Variants in SLC25A40 observed in about 807,000 individuals in gnomAD.
SLC25A40 encodes mitochondrial glutathione transporter SLC25A40.
In SLC25A40, 41 loss-of-function variants were observed where a neutral mutation model predicts 46.5. That is an observed-to-expected ratio of 0.88 (90% confidence interval 0.69 to 1.14). The LOEUF (loss-of-function observed/expected upper bound fraction) is 1.14, where lower values mean the gene tolerates loss of function less well. Among genes scored for constraint, SLC25A40 ranks in the 50% most tolerant of loss-of-function variants. SLC25A40 has a pLI of 0.00. For missense variants in SLC25A40, 386 were observed against 393.6 expected, an observed-to-expected ratio of 0.98 and a Z score of 0.16; for synonymous variants, 126 against 127.5, an observed-to-expected ratio of 0.99 and a Z score of 0.08.
intron 1 of SLC25A40, among the ~76,000 whole-genome samples, chr7:87,865,091 C>T: frequency 1.3e-5 from 2 of 151,780 alleles, no homozygotes; most frequent in East Asian, 3.9e-4. Context: ...ATCCTATTGC[C>T]TTAGCCTCTT....
intron 6 of SLC25A40, among the ~76,000 whole-genome samples, chr7:87,849,437 TG>T (rs1240723643): frequency 6.6e-6 from 1 of 152,222 alleles, no homozygotes; most frequent in African/African-American, 2.4e-5. Flanking sequence ...TCATCACAAC[TG>T]GCCTAAAAGA....
chr7:87,854,809 CAAAAAAAA>C (rs1193322764), intron 4 of SLC25A40, among the ~76,000 whole-genome samples: 2 of 53,580 alleles, frequency 3.7e-5, no homozygotes, highest in Non-Finnish European at 7.4e-5. Flanking sequence ...AAGACTGTCT[CAAAAAAAA>C]AAAAAAAAAA....
intron 5 of SLC25A40, among the ~76,000 whole-genome samples, chr7:87,853,007 A>C (rs899304543): frequency 1.3e-5 from 2 of 152,244 alleles, no homozygotes; most frequent in African/African-American, 2.4e-5. Context: ...TAAAAATTAA[A>C]AAGTTTTACC....
intron 10 of SLC25A40, among the ~76,000 whole-genome samples, chr7:87,839,313 T>C (rs1838298491): frequency 1.3e-5 from 2 of 151,372 alleles, no homozygotes; most frequent in Non-Finnish European, 3.0e-5. Flanking sequence ...AATATAGAAA[T>C]ATTGAAATAC....
chr7:87,855,039 G>T (rs143818956), intron 4 of SLC25A40, among the ~76,000 whole-genome samples: 99 of 151,800 alleles, frequency 6.5e-4, no homozygotes, highest in African/African-American at 2.3e-3. Context: ...GCACGTGCCT[G>T]TAGTCCCAGC....
At chr7:87,839,941 C>T (rs1838306647) in intron 10 of SLC25A40, among the ~76,000 whole-genome samples, 1 of 151,670 alleles carries the variant, frequency 6.6e-6, no homozygotes, top group African/African-American at 2.4e-5. Flanking sequence ...GAAGTCACTT[C>T]TAAATGGAGC....
intron 1 of SLC25A40, among the ~76,000 whole-genome samples, chr7:87,873,429 CT>C (rs573186397): frequency 0.025 from 3,165 of 125,640 alleles, 71 homozygotes; most frequent in African/African-American, 0.086. Flanking sequence ...GAAAGGTTAA[CT>C]TTTTTTTTTT....
intron 1 of SLC25A40, among the ~76,000 whole-genome samples, chr7:87,872,162 A>T (rs1474421619): frequency 1.3e-5 from 2 of 152,240 alleles, no homozygotes; most frequent in African/African-American, 2.4e-5. Flanking sequence ...ATCTTCTTAC[A>T]TAATCTTCTT....
chr7:87,844,126 A>C (rs1259581434), intron 8 of SLC25A40: 1 of 290,064 alleles, frequency 3.4e-6, no homozygotes, highest in Admixed American at 6.5e-5. Context: ...CAACGGGACA[A>C]AGGAAAAAAG....
At chr7:87,847,507 GA>G (rs1838439589) in intron 7 of SLC25A40, among the ~76,000 whole-genome samples, 1 of 152,022 alleles carries the variant, frequency 6.6e-6, no homozygotes, top group Non-Finnish European at 1.5e-5. Context: ...ATAAAACTCT[GA>G]ATCCCAAAGT....
rs188645646 is a variant in SLC25A40 at position 87,860,234 on chromosome 7, A to C, written c.-25+338T>G. On this transcript the variant is annotated intron_variant, in intron 2 of 11. Transcript: ENST00000341119. ...CAACAACAAAAAAAACGTCATACAAATTGCCATGATGCTTTCCAGAAAGCT... is the reference window on the plus strand; with the variant it reads ...CAACAACAAAAAAAACGTCATACAACTTGCCATGATGCTTTCCAGAAAGCT... 153 of 152,234 alleles carry C rather than the reference A, an allele frequency of 1.0e-3. 2 individuals carry two copies. Among genetic ancestry groups the C allele is most frequent in the African/African-American group, 3.6e-3 (149 of 41,542 alleles). 9.4% of individuals were successfully genotyped at this position (152,234 alleles called of 1,614,324 possible).
At chr7:87,873,568 G>T (rs185800218) in intron 1 of SLC25A40, among the ~76,000 whole-genome samples, 5 of 151,934 alleles carry the variant, frequency 3.3e-5, no homozygotes, top group African/African-American at 1.2e-4. Context: ...GAGTAGCTGG[G>T]GTTACAGGCG....
intron 1 of SLC25A40, among the ~76,000 whole-genome samples, chr7:87,865,795 T>C (rs754527300): frequency 3.9e-5 from 6 of 151,974 alleles, no homozygotes; most frequent in Non-Finnish European, 7.4e-5. Flanking sequence ...AAGAATATTC[T>C]TGGGGACTGT....
intron 3 of SLC25A40, 90 bp downstream of exon 3, chr7:87,858,541 G>C (rs989519920): frequency 2.7e-6 from 2 of 745,964 alleles, no homozygotes. Context: ...AAAATAGAAA[G>C]AAACTACGTT....
rs372588744 is a variant in SLC25A40, at chr7:87,864,960, TTTTTCTTTTC to T, written c.-93-4330_-93-4321del. 4.3e-3 allele frequency among the ~76,000 whole-genome samples: 649 copies of T among 150,734 alleles called. 2 individuals are homozygous for T. Among genetic ancestry groups the T allele is most frequent in the Admixed American group, 9.3e-3 (140 of 15,134 alleles). On this transcript the variant is annotated intron_variant, in intron 1 of 11. Transcript: ENST00000341119. Reference sequence around the variant, plus strand: ...GTTAGCATGTTTTGATTTGTTGATTTTTTTCTTTTCTTTTCTTTTCTTTTTTTTTTTTTTG... The same window carrying T: ...GTTAGCATGTTTTGATTTGTTGATTTTTTTCTTTTCTTTTTTTTTTTTTTG...
intron 5 of SLC25A40, among the ~76,000 whole-genome samples, chr7:87,851,452 C>T (rs971390791): frequency 6.6e-6 from 1 of 152,072 alleles, no homozygotes; most frequent in African/African-American, 2.4e-5. Flanking sequence ...TCAGCAAAGG[C>T]CAAGTAGGTA....
chr7:87,846,430 A>G (rs1453673108), intron 8 of SLC25A40, among the ~76,000 whole-genome samples: 1 of 152,186 alleles, frequency 6.6e-6, no homozygotes, highest in Non-Finnish European at 1.5e-5. Flanking sequence ...GTAGATTTAC[A>G]CTTCTCACTT....
chr7:87,847,740 G>C, intron 7 of SLC25A40, 113 bp downstream of exon 7: 1 of 1,046,662 alleles, frequency 9.6e-7, no homozygotes, highest in Non-Finnish European at 1.3e-6. Context: ...AAACTATAAT[G>C]CAAAATATAT....
At chr7:87,841,775 T>C in intron 9 of SLC25A40, 61 bp from the exon 10 acceptor site, 1 of 982,138 alleles carries the variant, frequency 1.0e-6, no homozygotes, top group Non-Finnish European at 1.5e-6. Flanking sequence ...AAAATATTTT[T>C]ACATTCTTCT....
Sources: gnomAD v4.1 joint callset for allele counts (sites outside exome capture counted in the v4.1 genomes callset) on GRCh38, gnomAD v4.1.1 for gene constraint, MANE v1.5 for transcripts, NCBI Gene and HGNC (gene_info 2026-07-23, HGNC 2026-07-21) for gene names.